The following DEAF1 variants were observed in gnomAD, a reference collection of about 807,000 sequenced individuals.
DEAF1 encodes DEAF1 transcription factor.
Under a neutral mutation model 58.9 loss-of-function variants are expected in DEAF1, and 53 were observed. That is an observed-to-expected ratio of 0.90 (90% CI 0.72 to 1.13). The LOEUF is 1.13. Among genes scored for constraint, DEAF1 ranks in the 50% most tolerant of loss-of-function variants. The pLI is 0.00. For missense variants in DEAF1, 685 were observed against 791.4 expected (o/e 0.87, Z 1.61); for synonymous variants, 385 against 340.4 (o/e 1.13, Z -1.44).
rs193182986 is a variant in DEAF1, at chr11:668,770, C to T, written c.1503+5766G>A. ...CTGGGAACTTGAGGCTGCAGTGAGC[C>T]GAGGTCACACCTCTGTACTCCAGCC... is the stretch of plus-strand genomic sequence containing the variant. On this transcript the variant is annotated intron_variant, in intron 10 of 11. Coordinates refer to ENST00000382409, the MANE Select transcript of DEAF1 (RefSeq NM_021008.4). 7.2e-5 allele frequency among the ~76,000 whole-genome samples: 11 copies of T among 152,152 alleles called. No homozygotes were observed. In the East Asian group the frequency reaches 1.7e-3, roughly 24 times the overall value.
At chr11:702,924 C>CT in intron 1 of DEAF1, 1 of 1,497,556 alleles carries the variant, frequency 6.7e-7, no homozygotes, top group South Asian at 1.2e-5. Context: ...CACCTTCCCT[C>CT]CCCTTTGCTC....
chr11:674,468 G>GCA, intron 10 of DEAF1, 68 bp downstream of exon 10: 7 of 1,609,326 alleles, frequency 4.3e-6, no homozygotes, highest in Non-Finnish European at 5.9e-6. Flanking sequence ...GCGCAGCTGG[G>GCA]CACAGGCACC....
At chr11:698,167 G>T (rs1403264556), upstream of DEAF1, among the ~76,000 whole-genome samples, 2 of 152,214 alleles carry the variant, frequency 1.3e-5, no homozygotes, top group African/African-American at 4.8e-5. Context: ...ACTGGCCTGA[G>T]CCCTTTTCAG....
At chr11:645,556 G>A (rs1001747775) in intron 11 of DEAF1, among the ~76,000 whole-genome samples, 1 of 152,160 alleles carries the variant, frequency 6.6e-6, no homozygotes, top group Non-Finnish European at 1.5e-5. Context: ...GACCTCAGGG[G>A]ATCTGCCCGC....
intron 10 of DEAF1, among the ~76,000 whole-genome samples, chr11:667,409 A>AGGGAGGGG (rs1859596167): frequency 6.9e-6 from 1 of 145,244 alleles, no homozygotes; most frequent in Non-Finnish European, 1.5e-5. Context: ...GGAGGGAGGG[A>AGGGAGGGG]AGGAGGGAAG....
At chr11:651,910 ATTCAACAGTAATAGCTGGAGAG>A (rs1858791470) in intron 11 of DEAF1, among the ~76,000 whole-genome samples, 1 of 151,782 alleles carries the variant, frequency 6.6e-6, no homozygotes, top group African/African-American at 2.4e-5. Context: ...AAACCAGATA[ATTCAACAGTAATAGCTGGAGAG>A]TTCAACACTT....
intron 1 of DEAF1, chr11:692,495 A>C (rs1023872094): frequency 6.5e-6 from 1 of 153,096 alleles, no homozygotes; most frequent in African/African-American, 2.4e-5. Context: ...AGATGCTTAA[A>C]AGATACTGGT....
chr11:670,734 CTTTA>C (rs1032173188), intron 10 of DEAF1, among the ~76,000 whole-genome samples: 6 of 144,244 alleles, frequency 4.2e-5, no homozygotes, highest in Non-Finnish European at 9.1e-5. Context: ...ATATCTTTTT[CTTTA>C]TTTTTTTCCT....
chr11:649,258 CACA>C (rs752958182), intron 11 of DEAF1, among the ~76,000 whole-genome samples: 69 of 150,902 alleles, frequency 4.6e-4, no homozygotes, highest in African/African-American at 1.4e-3. Flanking sequence ...CACACACACA[CACA>C]ACAACAACAA....
rs1860526841 is a variant in DEAF1, at chr11:684,972, T to G, written c.805-9A>C. The G allele has an allele frequency of 6.4e-7, 1 of 1,550,952 alleles. No individual in the cohort carries two copies. Among genetic ancestry groups the G allele is most frequent in the Admixed American group, 2.0e-5 (1 of 50,900 alleles). ...GGGTTTAAGATCCCATCCTGAGATGTGAAAAGAACCACCATGCATTAGCAA... is the reference window on the plus strand; with the variant it reads ...GGGTTTAAGATCCCATCCTGAGATGGGAAAAGAACCACCATGCATTAGCAA... On this transcript the variant is annotated splice_polypyrimidine_tract_variant and intron_variant, in intron 5 of 11. Coordinates refer to ENST00000382409, the MANE Select transcript of DEAF1 (RefSeq NM_021008.4).
chr11:701,017 G>A (rs929763254), intron 1 of DEAF1: 8 of 440,908 alleles, frequency 1.8e-5, no homozygotes, highest in South Asian at 2.4e-5. Context: ...CTGGAGCTCC[G>A]GAATATTCAC....
chr11:703,517 G>A (rs1861594548), intron 1 of DEAF1: 3 of 1,238,138 alleles, frequency 2.4e-6, no homozygotes, highest in South Asian at 7.9e-5. Flanking sequence ...CAGAACAGAG[G>A]CCTCATCTCA....
At chr11:702,163 C>T (rs1861526947) in intron 1 of DEAF1, among the ~76,000 whole-genome samples, 1 of 152,194 alleles carries the variant, frequency 6.6e-6, no homozygotes, top group African/African-American at 2.4e-5. Context: ...GTTATCAGGC[C>T]TCAGACACAC....
intron 2 of DEAF1, 46 bp downstream of exon 2, chr11:691,455 A>G (rs375400731): frequency 1.5e-5 from 23 of 1,574,808 alleles, no homozygotes; most frequent in Non-Finnish European, 1.8e-5. Context: ...GGAGGCCCCC[A>G]GCGTGGCACC....
chr11:668,020 G>A (rs1187355135), intron 10 of DEAF1, among the ~76,000 whole-genome samples: 1 of 152,162 alleles, frequency 6.6e-6, no homozygotes, highest in Non-Finnish European at 1.5e-5. Context: ...GCTGAGGCAG[G>A]AGAATTGCTT....
chr11:690,341 C>G (rs181523505), intron 2 of DEAF1, among the ~76,000 whole-genome samples: 173 of 1,062 alleles, frequency 0.16, 22 homozygotes, highest in South Asian at 0.28. Flanking sequence ...GAGGGGAGGG[C>G]AGGGGAGGGG....
intron 10 of DEAF1, among the ~76,000 whole-genome samples, chr11:671,826 TAAA>T (rs35325757): frequency 7.9e-5 from 5 of 63,644 alleles, no homozygotes; most frequent in Admixed American, 1.7e-4. Context: ...CCTTACCTCT[TAAA>T]AAAAAAAAAA....
chr11:662,225 G>A (rs1564931390), intron 10 of DEAF1, among the ~76,000 whole-genome samples: 1 of 152,156 alleles, frequency 6.6e-6, no homozygotes. Flanking sequence ...GTTGTGTGTG[G>A]TGAGCTGAGA....
At chr11:662,474 G>A (rs1342393655) in intron 10 of DEAF1, among the ~76,000 whole-genome samples, 2 of 152,062 alleles carry the variant, frequency 1.3e-5, no homozygotes, top group East Asian at 3.9e-4. Flanking sequence ...ACTTCCTACA[G>A]GGCAGGAGGA....
Sources: gnomAD v4.1 joint callset for allele counts (sites outside exome capture counted in the v4.1 genomes callset) on GRCh38, gnomAD v4.1.1 for gene constraint, MANE v1.5 for transcripts, NCBI Gene and HGNC (gene_info 2026-07-23, HGNC 2026-07-21) for gene names.